PYGB: variants seen among roughly 807,000 people sequenced by gnomAD.
PYGB encodes glycogen phosphorylase, brain form.
PYGB carries 82 observed loss-of-function variants against 94.3 expected under a neutral mutation model. The ratio of observed to expected loss-of-function variants is 0.87; its 90% confidence interval spans 0.73 to 1.04. The LOEUF is 1.04. PYGB is among the 50% of genes least tolerant of loss of function. The pLI is 0.00. For synonymous variants in PYGB, 488 were observed against 479.1 expected, an observed-to-expected ratio of 1.02 and a Z score of -0.24; for missense variants, 1,132 against 1,158.2, an observed-to-expected ratio of 0.98 and a Z score of 0.33.
intron 14 of PYGB, 112 bp downstream of exon 14, chr20:25,284,363 A>G (rs2088398942): frequency 4.3e-6 from 6 of 1,382,676 alleles, no homozygotes; most frequent in South Asian, 1.4e-5. Context: ...GTGTGTGTAT[A>G]GGCGTGTGCA....
intron 14 of PYGB, among the ~76,000 whole-genome samples, chr20:25,287,044 G>T (rs1239741340): frequency 6.6e-6 from 1 of 152,244 alleles, no homozygotes; most frequent in African/African-American, 2.4e-5. Flanking sequence ...GCCTCACCCA[G>T]GCCCGGCTCG....
rs1204011964 is a variant in PYGB at position 25,295,785 on chromosome 20, T to C, written c.2379+115T>C. On this transcript the variant is annotated intron_variant, in intron 19 of 19. Transcript: ENST00000216962. Reference sequence around the variant, plus strand: ...AGATTCTTGGCCTGGGCCAGAGGGGTTTGTGATTCTGATCTGTCATCAGTC... The same window carrying C: ...AGATTCTTGGCCTGGGCCAGAGGGGCTTGTGATTCTGATCTGTCATCAGTC... 2.5e-6 allele frequency: 3 copies of C among 1,177,732 alleles called. No homozygotes were observed. The East Asian group carries it at 7.3e-5, about 29-fold the overall frequency. The allele number at this position is 1,177,732 out of a possible 1,614,324, so 73.0% of individuals were successfully genotyped here.
Position 25,271,423 on chromosome 20 carries a change from A to T in PYGB, c.465A>T (p.Ala155=). The T allele has an allele frequency of 6.2e-7, 1 of 1,614,190 alleles. No individual in the cohort carries two copies. The highest frequency in any genetic ancestry group is 1.3e-5 in the African/African-American group (1 of 75,036). The change falls in exon 4 of 20, where the codon GCA becomes GCT. Residue 155 remains alanine (A), a synonymous_variant. Transcript: ENST00000216962. ...CAATGGCTACCTTGGGCCTGGCAGC[A>T]TACGGCTATGGAATCCGCTATGAAT... ...LDSMATLGLA[A]YGYGIRYEFG... is the part of the protein sequence containing the mutation.
In PYGB at chr20:25,284,179, G is replaced by A. The variant is rs769026294; in HGVS notation, c.1696G>A (p.Val566Met). The A allele has an allele frequency of 1.9e-6, 3 of 1,613,956 alleles. No homozygotes were observed. The highest frequency in any genetic ancestry group is 2.2e-5 in the East Asian group (1 of 44,878). ...VKINPSSMFD[V>M]HVKRIHEYKR... ...GATCAACCCCTCCTCCATGTTCGAT[G>A]TGCATGTGAAGAGGATCCACGAGTA... The change falls in exon 14 of 20, where the codon GTG becomes ATG. Residue 566 changes from valine to methionine, a missense_variant. Coordinates refer to ENST00000216962, the MANE Select transcript of PYGB (RefSeq NM_002862.4).
intron 2 of PYGB, among the ~76,000 whole-genome samples, chr20:25,261,472 C>T (rs1048209874): frequency 2.0e-5 from 3 of 152,198 alleles, no homozygotes; most frequent in Non-Finnish European, 2.9e-5. Context: ...CACCAAAACC[C>T]CGTCTGTACG....
In PYGB at chr20:25,292,422, T is replaced by C. The variant is rs756470951; in HGVS notation, c.1986T>C (p.Asp662=). ...SLAEKVIPAA[D]LSQQISTAGT... Reference sequence around the variant, plus strand: ...CCTCCACAGTGATCCCGGCCGCTGATCTGTCGCAGCAGATCTCCACTGCAG... The same window carrying C: ...CCTCCACAGTGATCCCGGCCGCTGACCTGTCGCAGCAGATCTCCACTGCAG... Residue 662 remains aspartate (D), a synonymous_variant, in exon 17 of 20, where the codon GAT becomes GAC. Transcript: ENST00000216962. 6.2e-7 allele frequency: 1 copy of C among 1,613,128 alleles called. No homozygotes were observed.
intron 2 of PYGB, among the ~76,000 whole-genome samples, chr20:25,268,389 C>CTT (rs5841052): frequency 2.8e-5 from 4 of 142,830 alleles, no homozygotes; most frequent in African/African-American, 7.6e-5. Context: ...CAAAAATGTC[C>CTT]TTTTTTTTTT....
At chr20:25,282,183 C>G in intron 12 of PYGB, 36 bp downstream of exon 12, 1 of 1,536,254 alleles carries the variant, frequency 6.5e-7, no homozygotes, top group Non-Finnish European at 8.9e-7. Context: ...TGTGGAGATG[C>G]CTGGGCTGAG....
At chr20:25,269,998 C>G (rs550828979) in intron 3 of PYGB, among the ~76,000 whole-genome samples, 1 of 152,158 alleles carries the variant, frequency 6.6e-6, no homozygotes, top group Non-Finnish European at 1.5e-5. Flanking sequence ...CCAGGCAGCA[C>G]TGAGCCCGCC....
At chr20:25,260,834 C>A (rs1335893595) in intron 2 of PYGB, among the ~76,000 whole-genome samples, 1 of 152,232 alleles carries the variant, frequency 6.6e-6, no homozygotes, top group African/African-American at 2.4e-5. Context: ...AAATTATATC[C>A]CGCACCAGGC....
chr20:25,278,936 G>C, intron 8 of PYGB, 121 bp from the exon 9 acceptor site: 5 of 926,130 alleles, frequency 5.4e-6, no homozygotes, highest in Non-Finnish European at 8.1e-6. Context: ...CTGTTCTCCA[G>C]GCTTCTCGGG....
At chr20:25,249,474 G>A (rs2092881510) in intron 1 of PYGB, among the ~76,000 whole-genome samples, 1 of 152,216 alleles carries the variant, frequency 6.6e-6, no homozygotes, top group Non-Finnish European at 1.5e-5. Context: ...CACACTTCCA[G>A]ACCTGAAGCC....
rs143100005 is a variant in PYGB, at chr20:25,274,642, G to A, written c.579G>A (p.Ala193=). ...GCTACGGCAACCCCTGGGAGAAAGC[G>A]CGGCCTGAGTATATGCTTCCCGTGC... The part of the protein sequence containing the change: ...WLRYGNPWEK[A]RPEYMLPVHF... Residue 193 remains alanine, a synonymous_variant, in exon 5 of 20, where the codon GCG becomes GCA. Coordinates refer to ENST00000216962, the MANE Select transcript of PYGB (RefSeq NM_002862.4). 1.4e-5 allele frequency: 22 copies of A among 1,613,860 alleles called. No individual in the cohort carries two copies. The African/African-American group carries it at 2.3e-4, about 17-fold the overall frequency.
chr20:25,291,287 C>T (rs1226033825), intron 16 of PYGB, among the ~76,000 whole-genome samples: 1 of 152,176 alleles, frequency 6.6e-6, no homozygotes, highest in African/African-American at 2.4e-5. Context: ...AGTTCCCACC[C>T]CTGTGGGCTC....
At chr20:25,289,098 G>T (rs1209219135) in intron 15 of PYGB, among the ~76,000 whole-genome samples, 1 of 152,172 alleles carries the variant, frequency 6.6e-6, no homozygotes, top group Non-Finnish European at 1.5e-5. Context: ...GCAAGGCCGG[G>T]GCCTGGGGGT....
chr20:25,248,362 G>C lies in PYGB; in HGVS notation c.184G>C (p.Asp62His). The part of the protein sequence containing the change: ...YFFALAHTVR[D>H]HLVGRWIRTQ... ...CTTCGCGCTGGCGCACACGGTGCGC[G>C]ACCACCTCGTGGGCCGCTGGATCCG... The change falls in exon 1 of 20, where the codon GAC becomes CAC. Residue 62 changes from aspartate (D) to histidine (H), a missense_variant. Coordinates refer to ENST00000216962, the MANE Select transcript of PYGB (RefSeq NM_002862.4). 6.3e-7 allele frequency: 1 copy of C among 1,597,660 alleles called. No individual in the cohort carries two copies. Among genetic ancestry groups the C allele is most frequent in the Non-Finnish European group, 8.5e-7 (1 of 1,173,284 alleles).
rs112489795 is a variant in PYGB, at chr20:25,272,378, G to A, written c.528+892G>A. Among the ~76,000 whole-genome samples, 891 of 152,318 alleles carry A rather than the reference G, an allele frequency of 5.8e-3. 7 individuals are homozygous for A. Among genetic ancestry groups the A allele is most frequent in the Non-Finnish European group, 9.8e-3 (670 of 68,024 alleles). ...GCAGCCTCCAGGGCTCGTCCATGGC[G>A]TCTGTAAGACTCATGTATCTCACCA... On this transcript the variant is annotated intron_variant, in intron 4 of 19. Transcript: ENST00000216962.
rs117779478 is a variant in PYGB at position 25,273,162 on chromosome 20, C to A, written c.529-1430C>A. On this transcript the variant is annotated intron_variant, in intron 4 of 19. Coordinates refer to ENST00000216962, the MANE Select transcript of PYGB (RefSeq NM_002862.4). ...GGGCCGCAGGCCAGCCTGCTTGGCA[C>A]CCTGGCCAAGGGGGCAGGGAGGCCC... 4.0e-4 allele frequency among the ~76,000 whole-genome samples: 61 copies of A among 152,362 alleles called. No individual in the cohort carries two copies. In the East Asian group the frequency reaches 0.011, roughly 27 times the overall value.
In PYGB at chr20:25,269,451, T is replaced by C. The variant is rs193178995; in HGVS notation, c.424+244T>C. On this transcript the variant is annotated intron_variant, in intron 3 of 19. Coordinates refer to ENST00000216962, the MANE Select transcript of PYGB (RefSeq NM_002862.4). ...CCAATCTTGCCAGCATGGAGTAAGC[T>C]GGTGCTGGGAGGGGCTCCCGATATG... Among the ~76,000 whole-genome samples the C allele has an allele frequency of 2.6e-5, 4 of 152,330 alleles. No homozygotes were observed. In the East Asian group the frequency reaches 7.7e-4, roughly 29 times the overall value.
Sources: gnomAD v4.1 joint callset for allele counts (sites outside exome capture counted in the v4.1 genomes callset) on GRCh38, gnomAD v4.1.1 for gene constraint, MANE v1.5 for transcripts, NCBI Gene and HGNC (gene_info 2026-07-23, HGNC 2026-07-21) for gene names.